SLC17A6: variants seen among roughly 807,000 people sequenced by gnomAD.
SLC17A6 encodes vesicular glutamate transporter 2.
In SLC17A6, 35 loss-of-function variants were observed where a neutral mutation model predicts 67.1. That is an observed-to-expected ratio of 0.52 (90% CI 0.40 to 0.69). The LOEUF (loss-of-function observed/expected upper bound fraction) is 0.69. Among genes scored for constraint, SLC17A6 ranks in the 30% least tolerant of loss-of-function variants. The pLI is 0.00. For synonymous variants in SLC17A6, 285 were observed against 252.3 expected (o/e 1.13, Z -1.23); for missense variants, 588 against 723.9 (o/e 0.81, Z 2.15).
intron 1 of SLC17A6, 47 bp from the exon 2 acceptor site, chr11:22,341,481 G>A (rs1411569576): frequency 5.0e-6 from 8 of 1,595,530 alleles, no homozygotes; most frequent in Non-Finnish European, 6.8e-6. Flanking sequence ...AGCATCGGGG[G>A]TACCTAAGCC....
At chr11:22,360,839 A>G in intron 4 of SLC17A6, 58 bp from the exon 5 acceptor site, 1 of 1,464,988 alleles carries the variant, frequency 6.8e-7, no homozygotes, top group Non-Finnish European at 9.6e-7. Context: ...TGTACAGGAT[A>G]CTAAAAAGAC....
chr11:22,344,684 C>A (rs1695899926), intron 3 of SLC17A6, among the ~76,000 whole-genome samples: 1 of 152,078 alleles, frequency 6.6e-6, no homozygotes, highest in Admixed American at 6.6e-5. Flanking sequence ...TGTATATGTA[C>A]CACATTTTAT....
chr11:22,358,556 T>A (rs1175604213), intron 3 of SLC17A6, among the ~76,000 whole-genome samples: 1 of 152,182 alleles, frequency 6.6e-6, no homozygotes, highest in Non-Finnish European at 1.5e-5. Flanking sequence ...GGTTTTGAGA[T>A]CCTGACCTTG....
In SLC17A6 at chr11:22,338,565, C is replaced by G. The variant is rs780678637; in HGVS notation, c.32C>G (p.Pro11Arg). The G allele has an allele frequency of 6.2e-7, 1 of 1,613,634 alleles. No homozygotes were observed. ...TCCGTAAAACAAAGGATTTTGGCCCCAGGAAAAGAGGGGCTAAAGAATTTT... is the reference window on the plus strand; with the variant it reads ...TCCGTAAAACAAAGGATTTTGGCCCGAGGAAAAGAGGGGCTAAAGAATTTT... MESVKQRILA[P>R]GKEGLKNFAG... Residue 11 changes from proline (P) to arginine (R), a missense_variant, in exon 1 of 12, where the codon CCA becomes CGA. Transcript: ENST00000263160.
At chr11:22,343,815 C>A (rs1276040696) in intron 3 of SLC17A6, among the ~76,000 whole-genome samples, 1 of 152,116 alleles carries the variant, frequency 6.6e-6, no homozygotes, top group African/African-American at 2.4e-5. Context: ...GACCTGGCCC[C>A]GTCCCCCGCC....
At chr11:22,366,380 A>G (rs1208912251) in intron 7 of SLC17A6, among the ~76,000 whole-genome samples, 1 of 152,192 alleles carries the variant, frequency 6.6e-6, no homozygotes, top group Non-Finnish European at 1.5e-5. Flanking sequence ...AGTTTAATAC[A>G]TGTGTATTTA....
chr11:22,370,152 A>T lies in SLC17A6; in HGVS notation c.1005A>T (p.Ala335=). The T allele has an allele frequency of 6.2e-7, 1 of 1,610,140 alleles. No homozygotes were observed. The highest frequency in any genetic ancestry group is 8.5e-7 in the Non-Finnish European group (1 of 1,178,614). The change falls in exon 8 of 12, where the codon GCA becomes GCT. Residue 335 remains alanine (A), a synonymous_variant. Coordinates refer to ENST00000263160, the MANE Select transcript of SLC17A6 (RefSeq NM_020346.3). ...ATTTATTGCTTATTAGTCAGCCAGC[A>T]TATTTTGAGGAAGTCTTTGGATTTG... is the stretch of plus-strand genomic sequence containing the variant. ...TFYLLLISQP[A]YFEEVFGFEI...
chr11:22,373,730 A>G (rs937929514), intron 8 of SLC17A6, among the ~76,000 whole-genome samples: 2 of 152,188 alleles, frequency 1.3e-5, no homozygotes, highest in African/African-American at 4.8e-5. Flanking sequence ...ACACTATTAA[A>G]ATCATCCATC....
chr11:22,343,246 G>A lies in SLC17A6; in HGVS notation c.340-1G>A. 1 of 1,613,468 alleles carries A rather than the reference G, an allele frequency of 6.2e-7. No homozygotes were observed. Among genetic ancestry groups the A allele is most frequent in the Non-Finnish European group, 8.5e-7 (1 of 1,179,688 alleles). ...CACACTTTTTTCCTACCCCTCCATA[G>A]AAAGCCAAATTCAACTGGGACCCGG... is the stretch of plus-strand genomic sequence containing the variant. On this transcript the variant is annotated splice_acceptor_variant, in intron 2 of 11. Coordinates refer to ENST00000263160, the MANE Select transcript of SLC17A6 (RefSeq NM_020346.3). LOFTEE classifies it high-confidence loss of function.
chr11:22,377,931 TTCCATTCAAGTCA>T lies in SLC17A6; in HGVS notation c.*199_*211del, dbSNP rs1856250218. The T allele has an allele frequency of 7.3e-6, 4 of 547,242 alleles. No homozygotes were observed. Among genetic ancestry groups the T allele is most frequent in the Non-Finnish European group, 1.3e-5 (4 of 314,316 alleles). 33.9% of individuals were successfully genotyped at this position (547,242 alleles called of 1,614,324 possible). Reference sequence around the variant, plus strand: ...CTGTAAAATTGTGAAGTTCCATCATTTCCATTCAAGTCATCCATTCTTGCATTTGTGACTTAAA... The same window carrying T: ...CTGTAAAATTGTGAAGTTCCATCATTTCCATTCTTGCATTTGTGACTTAAA... On this transcript the variant is annotated 3_prime_UTR_variant, in exon 12 of 12. Coordinates refer to ENST00000263160, the MANE Select transcript of SLC17A6 (RefSeq NM_020346.3).
chr11:22,370,913 ATCTT>A lies in SLC17A6; in HGVS notation c.1041+727_1041+730del, dbSNP rs553351629. ...AAAATGAACACAAAAATACTACTCTATCTTTATATAGGAACTCGAAATTTAGAAA... is the reference window on the plus strand; with the variant it reads ...AAAATGAACACAAAAATACTACTCTATATATAGGAACTCGAAATTTAGAAA... On this transcript the variant is annotated intron_variant, in intron 8 of 11. Transcript: ENST00000263160. Among the ~76,000 whole-genome samples the A allele has an allele frequency of 1.3e-3, 195 of 152,232 alleles. 1 individual carries two copies. Among genetic ancestry groups the A allele is most frequent in the African/African-American group, 4.4e-3 (183 of 41,556 alleles).
At chr11:22,342,231 C>T (rs1206164134) in intron 2 of SLC17A6, among the ~76,000 whole-genome samples, 1 of 152,194 alleles carries the variant, frequency 6.6e-6, no homozygotes, top group Non-Finnish European at 1.5e-5. Flanking sequence ...GCAGGTTCAG[C>T]TGAGTGGTCT....
intron 3 of SLC17A6, among the ~76,000 whole-genome samples, chr11:22,351,812 A>G (rs948986974): frequency 1.3e-5 from 2 of 152,150 alleles, no homozygotes; most frequent in Non-Finnish European, 2.9e-5. Flanking sequence ...TTAATGATGA[A>G]CATCATTTTC....
chr11:22,347,231 GGT>G (rs1235820476), intron 3 of SLC17A6, among the ~76,000 whole-genome samples: 1 of 142,746 alleles, frequency 7.0e-6, no homozygotes, highest in African/African-American at 2.6e-5. Flanking sequence ...ATCACAACAA[GGT>G]GTTTGGGGAT....
rs929694232 is a variant in SLC17A6, at chr11:22,378,913, C to T, written c.*1173C>T. 2 of 152,136 alleles carry T rather than the reference C, an allele frequency of 1.3e-5. No homozygotes were observed. The highest frequency in any genetic ancestry group is 4.8e-5 in the African/African-American group (2 of 41,372). The allele number at this position is 152,136 out of a possible 1,614,324, so 9.4% of individuals were successfully genotyped here. A position where few individuals can be genotyped will look rare whatever the true frequency, so the allele number is the denominator to read the frequency against. On this transcript the variant is annotated 3_prime_UTR_variant, in exon 12 of 12. Transcript: ENST00000263160. The stretch of plus-strand genomic sequence containing the variant: ...CATAATAAACAATCTTCACACGAAA[C>T]CAAAAATAGCATACACCTAATGTTG...
chr11:22,372,131 T>C (rs768431128), intron 8 of SLC17A6, among the ~76,000 whole-genome samples: 3 of 152,062 alleles, frequency 2.0e-5, no homozygotes, highest in Non-Finnish European at 4.4e-5. Flanking sequence ...TTTAGTTAAA[T>C]TGGGTATCCT....
chr11:22,377,956 A>C lies in SLC17A6; in HGVS notation c.*216A>C. 1.9e-6 allele frequency: 1 copy of C among 521,910 alleles called. No homozygotes were observed. Among genetic ancestry groups the C allele is most frequent in the Non-Finnish European group, 3.3e-6 (1 of 299,566 alleles). The allele number at this position is 521,910 out of a possible 1,614,324, so 32.3% of individuals were successfully genotyped here. A position where few individuals can be genotyped will look rare whatever the true frequency, so the allele number is the denominator to read the frequency against. ...TTCCATTCAAGTCATCCATTCTTGCATTTGTGACTTAAAGGTTGACTGGTC... is the reference window on the plus strand; with the variant it reads ...TTCCATTCAAGTCATCCATTCTTGCCTTTGTGACTTAAAGGTTGACTGGTC... On this transcript the variant is annotated 3_prime_UTR_variant, in exon 12 of 12. Transcript: ENST00000263160.
At chr11:22,360,092 T>C (rs1327950468) in intron 4 of SLC17A6, among the ~76,000 whole-genome samples, 1 of 144,892 alleles carries the variant, frequency 6.9e-6, no homozygotes, top group African/African-American at 2.7e-5. Flanking sequence ...AGATAAATAA[T>C]GTAAAATATT....
intron 1 of SLC17A6, among the ~76,000 whole-genome samples, chr11:22,341,018 G>A (rs956684321): frequency 6.6e-6 from 1 of 152,208 alleles, no homozygotes; most frequent in Non-Finnish European, 1.5e-5. Context: ...AAGGCAGCGC[G>A]GGTGGGAAAG....
Sources: allele counts gnomAD v4.1 joint callset (sites outside exome capture counted in the v4.1 genomes callset), GRCh38; gene constraint gnomAD v4.1.1; transcripts MANE v1.5; gene names NCBI Gene and HGNC (gene_info 2026-07-23, HGNC 2026-07-21).